The following CSGALNACT1 variants were observed in gnomAD, a reference collection of about 807,000 sequenced individuals.
The protein encoded by CSGALNACT1 is chondroitin sulfate N-acetylgalactosaminyltransferase 1, also known as beta4GalNAcT-1.
In CSGALNACT1, 52 loss-of-function variants were observed where a neutral mutation model predicts 51.0. The observed-to-expected ratio is 1.02, with a 90% CI of 0.82 to 1.29. The LOEUF (loss-of-function observed/expected upper bound fraction) is 1.29, where lower values mean the gene tolerates loss of function less well. Among genes scored for constraint, CSGALNACT1 ranks in the 50% most tolerant of loss-of-function variants. The pLI is 0.00. For missense variants in CSGALNACT1, 935 were observed against 679.2 expected, an observed-to-expected ratio of 1.38 and a Z score of -4.19; for synonymous variants, 341 against 254.4, an observed-to-expected ratio of 1.34 and a Z score of -3.24.
At chr8:19,553,228 G>A (rs915664840) in intron 3 of CSGALNACT1, among the ~76,000 whole-genome samples, 1 of 151,780 alleles carries the variant, frequency 6.6e-6, no homozygotes, top group Non-Finnish European at 1.5e-5. Context: ...CCCTAAACAA[G>A]ACAGAAAAAG....
At chr8:19,653,797 T>TA (rs111466105) in intron 1 of CSGALNACT1, among the ~76,000 whole-genome samples, 79,927 of 147,752 alleles carry the variant, frequency 0.54, 21,628 homozygotes, top group Middle Eastern at 0.63. Context: ...TACCTTGTCT[T>TA]AAAAAAAAAA....
At chr8:19,676,219 C>T (rs1484306516) in intron 1 of CSGALNACT1, among the ~76,000 whole-genome samples, 1 of 151,692 alleles carries the variant, frequency 6.6e-6, no homozygotes, top group Non-Finnish European at 1.5e-5. Flanking sequence ...CACCAGTTTC[C>T]AACGGAAAAG....
Position 19,666,792 on chromosome 8 carries a change from A to C in CSGALNACT1, c.-544+15681T>G, listed in dbSNP as rs867252900. ...GAAAGAAAGAAAGAAAGAAAGAAAG[A>C]AAGAAAGAAAGAAAGAAAGAGAGAG... On this transcript the variant is annotated intron_variant, in intron 1 of 9. Transcript: ENST00000332246. Among the ~76,000 whole-genome samples, 37 of 18,696 alleles carry C rather than the reference A, an allele frequency of 2.0e-3. 1 individual carries two copies. Among genetic ancestry groups the C allele is most frequent in the Middle Eastern group, 0.05 (2 of 40 alleles). The allele number at this position is 18,696 out of a possible 152,430, so 12.3% of individuals were successfully genotyped here.
chr8:19,554,492 A>G (rs1300759858), intron 3 of CSGALNACT1, among the ~76,000 whole-genome samples: 1 of 152,252 alleles, frequency 6.6e-6, no homozygotes, highest in Non-Finnish European at 1.5e-5. Context: ...GAAATATACT[A>G]TTAAGTTACT....
chr8:19,503,355 G>C (rs2076741364), intron 4 of CSGALNACT1, among the ~76,000 whole-genome samples: 1 of 152,234 alleles, frequency 6.6e-6, no homozygotes, highest in Non-Finnish European at 1.5e-5. Context: ...TGAGGGGCAA[G>C]AGGCTGGTGT....
At chr8:19,606,748 A>C (rs2051428698), upstream of CSGALNACT1, among the ~76,000 whole-genome samples, 1 of 152,168 alleles carries the variant, frequency 6.6e-6, no homozygotes, top group Non-Finnish European at 1.5e-5. Flanking sequence ...ATAAATAGAG[A>C]TAATCTCAGA....
At chr8:19,531,508 T>C (rs1320414301) in intron 3 of CSGALNACT1, among the ~76,000 whole-genome samples, 1 of 152,182 alleles carries the variant, frequency 6.6e-6, no homozygotes, top group African/African-American at 2.4e-5. Flanking sequence ...AAATTTACAA[T>C]GCAATGGCAT....
intron 1 of CSGALNACT1, among the ~76,000 whole-genome samples, chr8:19,632,449 A>C (rs1189899653): frequency 6.6e-6 from 1 of 152,200 alleles, no homozygotes; most frequent in South Asian, 2.1e-4. Context: ...TTCCAAACCA[A>C]ATGGCAAAGC....
At chr8:19,659,114 G>C (rs528130710) in intron 1 of CSGALNACT1, among the ~76,000 whole-genome samples, 4 of 152,204 alleles carry the variant, frequency 2.6e-5, no homozygotes, top group Non-Finnish European at 5.9e-5. Flanking sequence ...TTTTCTATAG[G>C]ATGATATTGA....
intron 3 of CSGALNACT1, among the ~76,000 whole-genome samples, chr8:19,517,642 A>G (rs529222562): frequency 3.2e-4 from 48 of 152,260 alleles, no homozygotes; most frequent in Middle Eastern, 3.4e-3. Flanking sequence ...CAATCATGGC[A>G]GAAGGGGAAC....
At chr8:19,666,933 G>A (rs1392193492) in intron 1 of CSGALNACT1, among the ~76,000 whole-genome samples, 2 of 128,614 alleles carry the variant, frequency 1.6e-5, no homozygotes, top group African/African-American at 6.1e-5. Context: ...GAGAGACAGA[G>A]AGAGAGAGAA....
At chr8:19,671,411 T>G (rs1009735711) in intron 1 of CSGALNACT1, among the ~76,000 whole-genome samples, 5 of 152,220 alleles carry the variant, frequency 3.3e-5, no homozygotes, top group Admixed American at 2.0e-4. Context: ...AGGTAACCCA[T>G]TTTTATTATG....
intron 6 of CSGALNACT1, among the ~76,000 whole-genome samples, chr8:19,437,170 A>G (rs905105415): frequency 1.3e-5 from 2 of 152,142 alleles, no homozygotes; most frequent in Admixed American, 6.5e-5. Flanking sequence ...TATAGTTGGA[A>G]TTCAGAGAAA....
chr8:19,603,482 C>T (rs1044057037), upstream of CSGALNACT1, among the ~76,000 whole-genome samples: 11 of 152,202 alleles, frequency 7.2e-5, no homozygotes, highest in Non-Finnish European at 1.5e-5. Context: ...TCTGCCTGGC[C>T]AATCAATCTA....
At chr8:19,708,562 C>T (rs950096132) in intron 1 of CSGALNACT1, among the ~76,000 whole-genome samples, 4 of 152,116 alleles carry the variant, frequency 2.6e-5, no homozygotes, top group African/African-American at 9.7e-5. Flanking sequence ...TGGGTCACAG[C>T]GAGTTAGGAA....
rs1265079967 is a variant in CSGALNACT1 at position 19,612,953 on chromosome 8, A to G, written c.-543-11088T>C. Among the ~76,000 whole-genome samples the G allele has an allele frequency of 6.4e-3, 807 of 126,828 alleles. 43 individuals are homozygous for G. Among genetic ancestry groups the G allele is most frequent in the African/African-American group, 0.029 (756 of 26,354 alleles). 83.2% of individuals were successfully genotyped at this position (126,828 alleles called of 152,430 possible). On this transcript the variant is annotated intron_variant, in intron 1 of 9. Coordinates refer to the CSGALNACT1 transcript ENST00000332246. ...AGAGAGGAAAAGCAGCTGGAAAAAA[A>G]AAAAAAAAAAAAAAAAAAAAAAAAA...
chr8:19,576,441 C>A (rs2044235656), intron 3 of CSGALNACT1, among the ~76,000 whole-genome samples: 1 of 152,116 alleles, frequency 6.6e-6, no homozygotes, highest in African/African-American at 2.4e-5. Context: ...GATCCAGTCG[C>A]CTCAGCCTCT....
chr8:19,417,857 A>G (rs2057186912), intron 8 of CSGALNACT1, among the ~76,000 whole-genome samples: 1 of 152,262 alleles, frequency 6.6e-6, no homozygotes, highest in South Asian at 2.1e-4. Flanking sequence ...CAATACCGGG[A>G]AATTCCATCC....
chr8:19,474,869 G>GAAAAAAAA (rs10683237), intron 4 of CSGALNACT1, among the ~76,000 whole-genome samples: 3 of 86,152 alleles, frequency 3.5e-5, no homozygotes, highest in African/African-American at 4.7e-5. Flanking sequence ...CTCTGTCTCA[G>GAAAAAAAA]AAAAAAAAAA....
Sources: allele counts gnomAD v4.1 joint callset (sites outside exome capture counted in the v4.1 genomes callset), GRCh38; gene constraint gnomAD v4.1.1; transcripts MANE v1.5; gene names NCBI Gene and HGNC (gene_info 2026-07-23, HGNC 2026-07-21).